CD244: variants seen among roughly 807,000 people sequenced by gnomAD.
CD244 encodes natural killer cell receptor 2B4.
Under a neutral mutation model 45.5 loss-of-function variants are expected in CD244, and 20 were observed. The observed-to-expected ratio is 0.44, with a 90% CI of 0.31 to 0.64. CD244 has a LOEUF of 0.64. Ranked by LOEUF, CD244 falls within the 30% of genes least tolerant of loss-of-function variation. CD244 has a pLI of 0.08. For synonymous variants in CD244, 185 were observed against 160.5 expected, an observed-to-expected ratio of 1.15 and a Z score of -1.15; for missense variants, 407 against 426.9, an observed-to-expected ratio of 0.95 and a Z score of 0.41.
intron 1 of CD244, among the ~76,000 whole-genome samples, chr1:160,846,950 A>G (rs1308732141): frequency 6.6e-6 from 1 of 152,192 alleles, no homozygotes; most frequent in Non-Finnish European, 1.5e-5. Flanking sequence ...ATTCATTGTA[A>G]TACCTGTGGT....
chr1:160,831,626 C>G (rs1415417465), intron 8 of CD244, among the ~76,000 whole-genome samples, 199 bp from the exon 9 acceptor site: 1 of 152,222 alleles, frequency 6.6e-6, no homozygotes, highest in Non-Finnish European at 1.5e-5. Context: ...AATTCCAGTA[C>G]TCTCTTAACC....
rs763182030 is a variant in CD244, at chr1:160,841,332, GTGAGGT to G, written c.527_532del (p.Asn176_Leu177del). On this transcript the variant is annotated inframe_deletion, in exon 3 of 9. Coordinates refer to ENST00000368034, the MANE Select transcript of CD244 (RefSeq NM_016382.4). ...AATGTCAACCTCCTCGTCCAGGTAG[GTGAGGT>G]TCCCTGCTGTCTGGATCAGCTTGCT... is the stretch of plus-strand genomic sequence containing the variant. 1 of 1,614,156 alleles carries G rather than the reference GTGAGGT, an allele frequency of 6.2e-7. No individual in the cohort carries two copies. Among genetic ancestry groups the G allele is most frequent in the African/African-American group, 1.3e-5 (1 of 75,030 alleles).
intron 1 of CD244, among the ~76,000 whole-genome samples, chr1:160,858,066 TA>T (rs1670172637): frequency 7.1e-6 from 1 of 140,898 alleles, no homozygotes; most frequent in Non-Finnish European, 1.5e-5. Flanking sequence ...TAAAAATAAA[TA>T]AATAAAAATA....
At chr1:160,851,530 C>T (rs1013641292) in intron 1 of CD244, among the ~76,000 whole-genome samples, 12 of 152,096 alleles carry the variant, frequency 7.9e-5, no homozygotes, top group Non-Finnish European at 1.8e-4. Context: ...ATATCATATA[C>T]AAAAATTAAT....
At chr1:160,853,362 C>T (rs1301923513) in intron 1 of CD244, among the ~76,000 whole-genome samples, 1 of 152,014 alleles carries the variant, frequency 6.6e-6, no homozygotes, top group Non-Finnish European at 1.5e-5. Flanking sequence ...ATTACCCTTG[C>T]AGGAGGGGGG....
chr1:160,831,570 C>G (rs538693091), intron 8 of CD244, 143 bp from the exon 9 acceptor site: 22 of 643,186 alleles, frequency 3.4e-5, no homozygotes, highest in Non-Finnish European at 5.6e-5. Context: ...GGATCCACGA[C>G]TAGTGTGAAG....
In CD244 at chr1:160,841,760, T is replaced by C; in HGVS notation, c.203A>G (p.Lys68Arg). Residue 68 changes from lysine to arginine, a missense_variant, in exon 2 of 9, where the codon AAG becomes AGG. Lys to Arg is a conservative substitution (Grantham distance 26, BLOSUM62 2). Coordinates refer to ENST00000368034, the MANE Select transcript of CD244 (RefSeq NM_016382.4). ...GGAAGGCAAAGAGCCATTCTCCCAC[T>C]TCAATATGTGATGAAATCCATTTTG... ...PSQNGFHHIL[K>R]WENGSLPSNT... 6.2e-7 allele frequency: 1 copy of C among 1,614,206 alleles called. No individual in the cohort carries two copies. Among genetic ancestry groups the C allele is most frequent in the Non-Finnish European group, 8.5e-7 (1 of 1,180,028 alleles).
At chr1:160,835,585 T>G (rs1049834372) in intron 6 of CD244, among the ~76,000 whole-genome samples, 1 of 152,100 alleles carries the variant, frequency 6.6e-6, no homozygotes, top group South Asian at 2.1e-4. Flanking sequence ...GCACTCAGCC[T>G]GGTAGACAGA....
intron 1 of CD244, among the ~76,000 whole-genome samples, chr1:160,856,193 A>T (rs964148586): frequency 1.3e-5 from 2 of 152,138 alleles, no homozygotes; most frequent in Admixed American, 6.5e-5. Context: ...GTCAGGGCAA[A>T]ATCATAAGAT....
At chr1:160,845,277 G>A (rs572080395) in intron 1 of CD244, among the ~76,000 whole-genome samples, 1 of 152,018 alleles carries the variant, frequency 6.6e-6, no homozygotes, top group Admixed American at 6.5e-5. Flanking sequence ...GGTTAAAAAG[G>A]CCATTTAGAT....
rs1235358430 is a variant in CD244, at chr1:160,830,314, C to T, written c.*1033G>A. 1 of 152,384 alleles carries T rather than the reference C, an allele frequency of 6.6e-6. No individual in the cohort carries two copies. The highest frequency in any genetic ancestry group is 1.5e-5 in the Non-Finnish European group (1 of 68,092). The allele number at this position is 152,384 out of a possible 1,614,324, so 9.4% of individuals were successfully genotyped here. A position where few individuals can be genotyped will look rare whatever the true frequency, so the allele number is the denominator to read the frequency against. ...CACCTGTTGGGGTCTCTGAGTAAGT[C>T]CTCTCCCAGTTCACCCTTGTCGCTT... is the stretch of plus-strand genomic sequence containing the variant. On this transcript the variant is annotated 3_prime_UTR_variant, in exon 9 of 9. Coordinates refer to ENST00000368034, the MANE Select transcript of CD244 (RefSeq NM_016382.4).
chr1:160,838,718 A>G (rs1251585525), intron 4 of CD244, 200 bp from the exon 5 acceptor site: 3 of 616,984 alleles, frequency 4.9e-6, no homozygotes, highest in Non-Finnish European at 8.6e-6. Context: ...CTCCCAAACC[A>G]GCTGTCTACA....
chr1:160,836,954 C>A (rs574948528), intron 5 of CD244, among the ~76,000 whole-genome samples: 46 of 152,308 alleles, frequency 3.0e-4, no homozygotes, highest in African/African-American at 1.1e-3. Flanking sequence ...TGTCAGCTGT[C>A]CTTAGAGGCT....
chr1:160,843,283 G>T (rs1240692274), intron 1 of CD244, among the ~76,000 whole-genome samples: 2 of 152,158 alleles, frequency 1.3e-5, no homozygotes, highest in African/African-American at 2.4e-5. Flanking sequence ...CAAACCAAAA[G>T]CTTCTCAAAA....
In CD244 at chr1:160,830,800, A is replaced by C. The variant is rs1234227062; in HGVS notation, c.*547T>G. ...TGCAGGGAGAAAGTTTTTTCTCTGC[A>C]ATTGAGTAAAGCCCAGGCCCTGGCC... On this transcript the variant is annotated 3_prime_UTR_variant, in exon 9 of 9. Transcript: ENST00000368034. 6.5e-6 allele frequency: 1 copy of C among 153,522 alleles called. No homozygotes were observed. Among genetic ancestry groups the C allele is most frequent in the Non-Finnish European group, 1.5e-5 (1 of 68,928 alleles). The allele number at this position is 153,522 out of a possible 1,614,324, so 9.5% of individuals were successfully genotyped here.
chr1:160,842,113 C>T (rs1437459085), intron 1 of CD244, among the ~76,000 whole-genome samples: 1 of 152,158 alleles, frequency 6.6e-6, no homozygotes, highest in Non-Finnish European at 1.5e-5. Context: ...AGACCAATAG[C>T]TAAAATCTTG....
At chr1:160,832,266 G>A (rs113913196) in intron 8 of CD244, among the ~76,000 whole-genome samples, 102 of 152,044 alleles carry the variant, frequency 6.7e-4, no homozygotes, top group African/African-American at 2.0e-3. Context: ...GCTCGGGGAC[G>A]GCCCTAATTT....
At chr1:160,834,212 G>T in intron 6 of CD244, 96 bp from the exon 7 acceptor site, 1 of 919,100 alleles carries the variant, frequency 1.1e-6, no homozygotes. Flanking sequence ...ACCCTGCCCA[G>T]ATGGAAGCTT....
chr1:160,846,621 G>T (rs1208458789), intron 1 of CD244, among the ~76,000 whole-genome samples: 1 of 151,838 alleles, frequency 6.6e-6, no homozygotes, highest in Non-Finnish European at 1.5e-5. Flanking sequence ...AGCCAAGATG[G>T]TGCCACTCCC....
Sources: gnomAD v4.1 joint callset for allele counts (sites outside exome capture counted in the v4.1 genomes callset) on GRCh38, gnomAD v4.1.1 for gene constraint, MANE v1.5 for transcripts, NCBI Gene and HGNC (gene_info 2026-07-23, HGNC 2026-07-21) for gene names.